The following PDE1C variants were observed in gnomAD, a reference collection of about 807,000 sequenced individuals.
PDE1C encodes phosphodiesterase 1C.
PDE1C carries 62 observed loss-of-function variants against 93.1 expected under a neutral mutation model. That is an observed-to-expected ratio of 0.67 (90% CI 0.54 to 0.82). The LOEUF (loss-of-function observed/expected upper bound fraction) is 0.82. Ranked by LOEUF, PDE1C falls within the 40% of genes least tolerant of loss-of-function variation. The pLI, the probability that PDE1C is intolerant of heterozygous loss-of-function variation, is 0.00. For missense variants in PDE1C, 742 were observed against 884.6 expected, an observed-to-expected ratio of 0.84 and a Z score of 2.04; for synonymous variants, 325 against 310.1, an observed-to-expected ratio of 1.05 and a Z score of -0.50.
intron 2 of PDE1C, among the ~76,000 whole-genome samples, chr7:31,980,241 G>T (rs1812201370): frequency 6.6e-6 from 1 of 152,206 alleles, no homozygotes; most frequent in African/African-American, 2.4e-5. Flanking sequence ...TAGATAAAAA[G>T]TGAGTCCTTA....
chr7:32,417,749 T>C (rs1169462670), intron 1 of PDE1C, among the ~76,000 whole-genome samples: 1 of 152,150 alleles, frequency 6.6e-6, no homozygotes, highest in Non-Finnish European at 1.5e-5. Flanking sequence ...TCTGTTGTAT[T>C]AAGATGATGA....
intron 1 of PDE1C, among the ~76,000 whole-genome samples, chr7:32,427,128 C>T (rs557097767): frequency 1.3e-5 from 2 of 152,334 alleles, no homozygotes; most frequent in East Asian, 3.9e-4. Context: ...ATTCCCTCAG[C>T]TGAAGATGTT....
intron 16 of PDE1C, among the ~76,000 whole-genome samples, chr7:31,776,576 G>A (rs565963460): frequency 5.9e-5 from 9 of 152,192 alleles, no homozygotes; most frequent in East Asian, 1.9e-4. Flanking sequence ...TACATTTTTT[G>A]TATATATGTA....
intron 1 of PDE1C, among the ~76,000 whole-genome samples, chr7:32,052,717 A>G (rs1248924395): frequency 6.6e-5 from 10 of 152,200 alleles, no homozygotes. Flanking sequence ...AGGACCTGTT[A>G]CATCTCTGTT....
intron 2 of PDE1C, among the ~76,000 whole-genome samples, chr7:32,181,977 A>G (rs1459371632): frequency 1.3e-5 from 2 of 152,176 alleles, no homozygotes; most frequent in Admixed American, 6.5e-5. Context: ...TATCACCACC[A>G]ATCCCACAGA....
chr7:32,027,607 T>TAAAAAA (rs551660766), intron 2 of PDE1C, among the ~76,000 whole-genome samples: 13 of 78,462 alleles, frequency 1.7e-4, no homozygotes, highest in East Asian at 4.6e-4. Context: ...TCAAAAATGG[T>TAAAAAA]AAAAAAAAAA....
At chr7:31,757,612 A>C (rs970070026) in intron 17 of PDE1C, among the ~76,000 whole-genome samples, 19 of 152,188 alleles carry the variant, frequency 1.2e-4, no homozygotes, top group African/African-American at 4.6e-4. Flanking sequence ...ATCTCACACC[A>C]GTTAGAATGG....
intron 2 of PDE1C, among the ~76,000 whole-genome samples, chr7:31,927,023 T>C (rs1211350683): frequency 6.6e-6 from 1 of 152,170 alleles, no homozygotes; most frequent in Non-Finnish European, 1.5e-5. Context: ...ACTCAGTGGG[T>C]TCCACTTCCA....
the PDE1C span, among the ~76,000 whole-genome samples, chr7:31,628,585 G>A: frequency 6.6e-6 from 1 of 151,778 alleles, no homozygotes; most frequent in Non-Finnish European, 1.5e-5. Context: ...AGCCTCCCCA[G>A]CAGCTGGGAC....
At chr7:32,153,734 TA>T (rs1801398753) in intron 3 of PDE1C, among the ~76,000 whole-genome samples, 1 of 152,218 alleles carries the variant, frequency 6.6e-6, no homozygotes, top group Non-Finnish European at 1.5e-5. Flanking sequence ...TGGGAGAAGA[TA>T]AAATTATTTC....
the PDE1C span, among the ~76,000 whole-genome samples, chr7:31,631,455 T>C: frequency 2.0e-5 from 3 of 152,266 alleles, no homozygotes; most frequent in Non-Finnish European, 4.4e-5. Flanking sequence ...AGTCATTTTC[T>C]TACGTGGTTA....
upstream of PDE1C, among the ~76,000 whole-genome samples, chr7:32,300,716 T>C (rs1040384389): frequency 6.6e-6 from 1 of 152,246 alleles, no homozygotes; most frequent in Non-Finnish European, 1.5e-5. Context: ...AAAATTCTTC[T>C]CTGTGACAAA....
At chr7:31,869,534 G>A (rs1795680133) in intron 6 of PDE1C, among the ~76,000 whole-genome samples, 1 of 151,904 alleles carries the variant, frequency 6.6e-6, no homozygotes, top group African/African-American at 2.4e-5. Flanking sequence ...AGAAAGTCAT[G>A]GTATAATGAA....
intron 16 of PDE1C, among the ~76,000 whole-genome samples, chr7:31,800,335 G>A (rs1785848467): frequency 6.6e-6 from 1 of 151,392 alleles, no homozygotes; most frequent in South Asian, 2.1e-4. Context: ...ATCAAAAAGA[G>A]TTTCTCTTAT....
chr7:31,867,419 G>A (rs1405334402), intron 6 of PDE1C, among the ~76,000 whole-genome samples: 1 of 152,098 alleles, frequency 6.6e-6, no homozygotes, highest in Non-Finnish European at 1.5e-5. Context: ...GGGGGCCTGA[G>A]GATAGCCCAG....
At chr7:31,695,337 A>T in the PDE1C span, 1 of 748,474 alleles carries the variant, frequency 1.3e-6, no homozygotes, top group Non-Finnish European at 2.0e-6. Context: ...AGGCCACAAT[A>T]AATAAACACT....
intron 1 of PDE1C, among the ~76,000 whole-genome samples, chr7:32,363,445 A>G (rs1784175152): frequency 6.6e-6 from 1 of 152,234 alleles, no homozygotes. Flanking sequence ...GTTAAAACCC[A>G]GAATATTTCC....
the PDE1C span, among the ~76,000 whole-genome samples, chr7:31,625,030 C>T: frequency 6.6e-6 from 1 of 152,200 alleles, no homozygotes; most frequent in Non-Finnish European, 1.5e-5. Context: ...AAATGCTCAT[C>T]ATCACTGGCC....
chr7:32,006,709 A>G (rs557214467), intron 2 of PDE1C, among the ~76,000 whole-genome samples: 19 of 152,360 alleles, frequency 1.2e-4, no homozygotes, highest in African/African-American at 3.6e-4. Context: ...CAAGCTGGGT[A>G]TGGAAGAAAC....
Sources: gnomAD v4.1 joint callset for allele counts (sites outside exome capture counted in the v4.1 genomes callset) on GRCh38, gnomAD v4.1.1 for gene constraint, MANE v1.5 for transcripts, NCBI Gene and HGNC (gene_info 2026-07-23, HGNC 2026-07-21) for gene names.